Variants in NTN1 observed in about 807,000 individuals in gnomAD.
NTN1 encodes netrin-1.
NTN1 carries 11 observed loss-of-function variants against 54.2 expected under a neutral mutation model. The observed-to-expected ratio is 0.20, with a 90% CI of 0.13 to 0.34. The LOEUF (loss-of-function observed/expected upper bound fraction) is 0.34, where lower values mean the gene tolerates loss of function less well. Ranked by LOEUF, NTN1 falls within the 10% of genes least tolerant of loss-of-function variation. NTN1 has a pLI of 1.00. For missense variants in NTN1, 740 were observed against 893.1 expected, an observed-to-expected ratio of 0.83 and a Z score of 2.18; for synonymous variants, 371 against 382.0, an observed-to-expected ratio of 0.97 and a Z score of 0.33.
At chr17:9,181,095 G>T (rs1373288646) in intron 4 of NTN1, among the ~76,000 whole-genome samples, 1 of 152,178 alleles carries the variant, frequency 6.6e-6, no homozygotes, top group African/African-American at 2.4e-5. Flanking sequence ...CACGAGAGCT[G>T]GTGTTTCTGA....
intron 2 of NTN1, among the ~76,000 whole-genome samples, chr17:9,064,975 C>G (rs1031653629): frequency 3.3e-5 from 5 of 152,140 alleles, no homozygotes; most frequent in African/African-American, 1.2e-4. Flanking sequence ...CTCTCTCTGT[C>G]GCCCAGGCTG....
At chr17:9,148,502 G>C (rs959575261) in intron 2 of NTN1, among the ~76,000 whole-genome samples, 1 of 152,196 alleles carries the variant, frequency 6.6e-6, no homozygotes. Context: ...TAGGGATCTG[G>C]TGTGTCCTGG....
At chr17:9,075,273 G>A (rs1189681029) in intron 2 of NTN1, among the ~76,000 whole-genome samples, 1 of 152,176 alleles carries the variant, frequency 6.6e-6, no homozygotes, top group African/African-American at 2.4e-5. Flanking sequence ...TTGAGCCCAG[G>A]AGTTCGAGAC....
intron 2 of NTN1, among the ~76,000 whole-genome samples, chr17:9,126,624 T>C (rs1427763158): frequency 6.6e-6 from 1 of 152,232 alleles, no homozygotes; most frequent in East Asian, 1.9e-4. Flanking sequence ...GTCTGGCCCC[T>C]TCTGCTCTGG....
chr17:9,114,154 A>ATATATATATATATATATATATATATATAT (rs1491588506), intron 2 of NTN1, among the ~76,000 whole-genome samples: 1 of 39,204 alleles, frequency 2.6e-5, no homozygotes, highest in African/African-American at 9.3e-5. Context: ...AAAAAAAAAG[A>ATATATATATATATATATATATATATATAT]AAAAAAAAAA....
At chr17:9,139,205 C>T (rs1159298724) in intron 2 of NTN1, among the ~76,000 whole-genome samples, 2 of 152,118 alleles carry the variant, frequency 1.3e-5, no homozygotes, top group Non-Finnish European at 2.9e-5. Context: ...GAGACATGTC[C>T]TTTAGGCTCT....
At chr17:9,172,798 G>A (rs1001368399) in intron 3 of NTN1, 1 of 151,400 alleles carries the variant, frequency 6.6e-6, no homozygotes, top group African/African-American at 2.4e-5. Context: ...GATCACCTGA[G>A]GTCAGGAGGC....
At chr17:9,115,808 G>A (rs1171696336) in intron 2 of NTN1, among the ~76,000 whole-genome samples, 1 of 152,250 alleles carries the variant, frequency 6.6e-6, no homozygotes, top group Non-Finnish European at 1.5e-5. Flanking sequence ...GGTCTTGGCC[G>A]GCCGTGCGCG....
intron 5 of NTN1, among the ~76,000 whole-genome samples, chr17:9,214,397 G>A (rs1905172788): frequency 6.6e-6 from 1 of 152,162 alleles, no homozygotes; most frequent in South Asian, 2.1e-4. Flanking sequence ...ACTAGGTGAT[G>A]TTCTTTTTCC....
chr17:9,191,800 G>A (rs1028815989), intron 5 of NTN1, among the ~76,000 whole-genome samples: 39 of 150,830 alleles, frequency 2.6e-4, no homozygotes, highest in Non-Finnish European at 5.4e-4. Context: ...GGCCAACGGG[G>A]GAGGATCTCT....
intron 2 of NTN1, among the ~76,000 whole-genome samples, chr17:9,119,761 G>T (rs1382063323): frequency 6.6e-6 from 1 of 152,168 alleles, no homozygotes. Flanking sequence ...GTCTCCTAAA[G>T]TATTGGGATT....
Position 9,022,337 on chromosome 17 carries a change from C to G in NTN1, c.-37C>G. Reference sequence around the variant, plus strand: ...CGCCTTCTGCGGCAGGCGGACAGATCCTCGGCGCGGCAGGGCCGGGGCAAG... The same window carrying G: ...CGCCTTCTGCGGCAGGCGGACAGATGCTCGGCGCGGCAGGGCCGGGGCAAG... On this transcript the variant is annotated 5_prime_UTR_variant, in exon 2 of 7. In the 5' UTR this introduces an upstream ATG that the reference lacks. Transcript: ENST00000173229. 1 of 1,270,812 alleles carries G rather than the reference C, an allele frequency of 7.9e-7. No individual in the cohort carries two copies. 78.7% of individuals were successfully genotyped at this position (1,270,812 alleles called of 1,614,324 possible).
intron 6 of NTN1, among the ~76,000 whole-genome samples, chr17:9,229,688 T>C (rs1312675549): frequency 6.6e-6 from 1 of 151,706 alleles, no homozygotes; most frequent in Non-Finnish European, 1.5e-5. Flanking sequence ...TCCGAGATGA[T>C]GGAGCAGAGG....
rs184040092 is a variant in NTN1, at chr17:9,150,284, C to T, written c.1019-12529C>T. ...ACCCCCACTGTGAAACTGTTTTTGTCCTGAAAGGCAAGAAAGTTTGCATCT... is the reference window on the plus strand; with the variant it reads ...ACCCCCACTGTGAAACTGTTTTTGTTCTGAAAGGCAAGAAAGTTTGCATCT... On this transcript the variant is annotated intron_variant, in intron 2 of 6. Transcript: ENST00000173229. Among the ~76,000 whole-genome samples the T allele has an allele frequency of 2.6e-5, 4 of 152,294 alleles. No individual in the cohort carries two copies. The East Asian group carries it at 7.7e-4, about 29-fold the overall frequency.
intron 5 of NTN1, among the ~76,000 whole-genome samples, chr17:9,216,276 G>A (rs1420854255): frequency 6.6e-6 from 1 of 152,196 alleles, no homozygotes; most frequent in Non-Finnish European, 1.5e-5. Flanking sequence ...GATTTTAATT[G>A]TGCTACAGGG....
chr17:9,086,887 A>G (rs575342096), intron 2 of NTN1, among the ~76,000 whole-genome samples: 1 of 152,024 alleles, frequency 6.6e-6, no homozygotes, highest in African/African-American at 2.4e-5. Flanking sequence ...TCTCAATATC[A>G]CCATCAGCTT....
At chr17:9,096,517 C>G (rs1048208852) in intron 2 of NTN1, among the ~76,000 whole-genome samples, 2 of 151,610 alleles carry the variant, frequency 1.3e-5, no homozygotes, top group Non-Finnish European at 2.9e-5. Flanking sequence ...AGTACAGGTG[C>G]CCGCCACCAC....
chr17:9,221,147 T>TGGGGCC lies in NTN1; in HGVS notation c.1412-21_1412-20insGGGGCC. The TGGGGCC allele has an allele frequency of 7.7e-7, 1 of 1,303,784 alleles. No homozygotes were observed. The highest frequency in any genetic ancestry group is 1.0e-6 in the Non-Finnish European group (1 of 952,854). 80.8% of individuals were successfully genotyped at this position (1,303,784 alleles called of 1,614,324 possible). On this transcript the variant is annotated intron_variant, in intron 5 of 6. Transcript: ENST00000173229. The surrounding 1 kb of genome is among the most constrained non-coding windows in gnomAD (Gnocchi z 4.5). ...CAGCCTAATTAGTTTTTGTCTGTGC[T>TGGGGCC]CCCCCCCCACCCCCCTGCAGACTGC...
chr17:9,081,235 T>C (rs2092069942), intron 2 of NTN1, among the ~76,000 whole-genome samples: 1 of 152,140 alleles, frequency 6.6e-6, no homozygotes, highest in Non-Finnish European at 1.5e-5. Context: ...GAGAAAAAAA[T>C]TCCCTCACAC....
Sources: allele counts gnomAD v4.1 joint callset (sites outside exome capture counted in the v4.1 genomes callset), GRCh38; gene constraint gnomAD v4.1.1; non-coding constraint Gnocchi (gnomAD v3.1); transcripts MANE v1.5; gene names NCBI Gene and HGNC (gene_info 2026-07-23, HGNC 2026-07-21).